The following CFAP95 variants were observed in gnomAD, a reference collection of about 807,000 sequenced individuals.
The protein encoded by CFAP95 is cilia and flagella associated protein 95.
chr9:69,837,242 A>G, the CFAP95 span, among the ~76,000 whole-genome samples: 10 of 152,324 alleles, frequency 6.6e-5, no homozygotes, highest in South Asian at 2.1e-3. Context: ...TTGGGTATAT[A>G]CCCAGTAATG....
At chr9:69,832,620 A>ATTTTTTTTTTTT in the CFAP95 span, among the ~76,000 whole-genome samples, 60 of 11,348 alleles carry the variant, frequency 5.3e-3, 5 homozygotes, top group South Asian at 0.018. Context: ...GTCTATTCGG[A>ATTTTTTTTTTTT]TTTTTTTTTT....
chr9:69,856,257 C>G, the CFAP95 span, among the ~76,000 whole-genome samples: 1 of 151,932 alleles, frequency 6.6e-6, no homozygotes, highest in Non-Finnish European at 1.5e-5. Context: ...ATATACCAAC[C>G]CTGAAAAGGA....
chr9:69,837,832 C>T, the CFAP95 span, among the ~76,000 whole-genome samples: 1 of 152,148 alleles, frequency 6.6e-6, no homozygotes, highest in African/African-American at 2.4e-5. Flanking sequence ...ATGGTAATGC[C>T]TAGGTTTTCT....
chr9:69,850,434 A>G, the CFAP95 span, among the ~76,000 whole-genome samples: 1 of 152,250 alleles, frequency 6.6e-6, no homozygotes, highest in East Asian at 1.9e-4. Context: ...ATAGATTAAG[A>G]ATAGCCAAAT....
At chr9:69,884,923 A>G in the CFAP95 span, 2 of 152,080 alleles carry the variant, frequency 1.3e-5, no homozygotes, top group African/African-American at 4.8e-5. Context: ...AATCATTAGT[A>G]CTCAAACTCT....
At chr9:69,902,063 T>C in the CFAP95 span, among the ~76,000 whole-genome samples, 5 of 152,220 alleles carry the variant, frequency 3.3e-5, no homozygotes, top group Admixed American at 3.3e-4. Flanking sequence ...AAAGGGCTAA[T>C]ATCCAGAATC....
chr9:69,851,717 C>T, the CFAP95 span, among the ~76,000 whole-genome samples: 8,034 of 151,784 alleles, frequency 0.053, 703 homozygotes, highest in African/African-American at 0.18. Flanking sequence ...AGGAGCATCC[C>T]GTAAGCCAGG....
chr9:69,857,902 GT>G, the CFAP95 span: 1 of 1,613,070 alleles, frequency 6.2e-7, no homozygotes, highest in East Asian at 2.2e-5. Context: ...ATGTTATCTT[GT>G]TTTAGGGTCA....
chr9:69,878,869 G>A, the CFAP95 span, among the ~76,000 whole-genome samples: 1 of 152,204 alleles, frequency 6.6e-6, no homozygotes, highest in African/African-American at 2.4e-5. Flanking sequence ...AGCTTCTAGG[G>A]AGTCCTCAGA....
the CFAP95 span, among the ~76,000 whole-genome samples, chr9:69,865,682 G>A: frequency 6.6e-6 from 1 of 152,148 alleles, no homozygotes; most frequent in Admixed American, 6.5e-5. Flanking sequence ...CCTTCTGTGG[G>A]AGTATCTATG....
chr9:69,890,107 A>C, the CFAP95 span, among the ~76,000 whole-genome samples: 1 of 152,150 alleles, frequency 6.6e-6, no homozygotes, highest in Non-Finnish European at 1.5e-5. Context: ...AATGCATTTC[A>C]GGTCCATTTT....
At chr9:69,838,400 T>G in the CFAP95 span, among the ~76,000 whole-genome samples, 1 of 151,248 alleles carries the variant, frequency 6.6e-6, no homozygotes, top group Admixed American at 6.6e-5. Context: ...TATCCTCTTT[T>G]ATTTCCTTGA....
At chr9:69,884,473 C>A in the CFAP95 span, 8 of 152,266 alleles carry the variant, frequency 5.3e-5, no homozygotes, top group Non-Finnish European at 8.8e-5. Context: ...GGCTGGTTCA[C>A]CCCTCCTTAG....
At chr9:69,857,229 A>T in the CFAP95 span, among the ~76,000 whole-genome samples, 6 of 152,142 alleles carry the variant, frequency 3.9e-5, no homozygotes, top group Non-Finnish European at 7.4e-5. Context: ...CTTGCATTCT[A>T]GTTATTTATA....
chr9:69,863,919 C>A, the CFAP95 span, among the ~76,000 whole-genome samples: 3 of 151,990 alleles, frequency 2.0e-5, no homozygotes, highest in African/African-American at 7.3e-5. Flanking sequence ...CACATATAAA[C>A]ATGTGTGGTC....
the CFAP95 span, chr9:69,902,497 T>C: frequency 3.0e-3 from 975 of 321,556 alleles, 2 homozygotes; most frequent in Non-Finnish European, 4.6e-3. Flanking sequence ...AAAGTACAAA[T>C]CGGTGGTTAT....
the CFAP95 span, among the ~76,000 whole-genome samples, chr9:69,837,673 T>C: frequency 6.6e-6 from 1 of 152,198 alleles, no homozygotes; most frequent in African/African-American, 2.4e-5. Flanking sequence ...GTTTCCCATT[T>C]TGTAGGTTGC....
At chr9:69,857,849 T>C in the CFAP95 span, 1 of 1,522,904 alleles carries the variant, frequency 6.6e-7, no homozygotes, top group South Asian at 1.2e-5. Flanking sequence ...TTTACATGGC[T>C]TTGAAAGTTT....
the CFAP95 span, among the ~76,000 whole-genome samples, chr9:69,876,273 C>T: frequency 1.3e-5 from 2 of 152,148 alleles, no homozygotes; most frequent in Non-Finnish European, 2.9e-5. Context: ...TGGCTCAGGC[C>T]TATAATCCCA....
Sources: gnomAD v4.1 joint callset for allele counts (sites outside exome capture counted in the v4.1 genomes callset) on GRCh38, gnomAD v4.1.1 for gene constraint, MANE v1.5 for transcripts, NCBI Gene and HGNC (gene_info 2026-07-23, HGNC 2026-07-21) for gene names.